Variants in TICRR observed in about 807,000 individuals in gnomAD.
TICRR encodes the protein treslin.
TICRR carries 132 observed loss-of-function variants against 178.1 expected under a neutral mutation model. The observed-to-expected ratio is 0.74, with a 90% CI of 0.64 to 0.86. The LOEUF (loss-of-function observed/expected upper bound fraction) is 0.86, where lower values mean the gene tolerates loss of function less well. Among genes scored for constraint, TICRR ranks in the 40% least tolerant of loss-of-function variants. TICRR has a pLI of 0.00. For missense variants in TICRR, 2,587 were observed against 2,334.3 expected (o/e 1.11, Z -2.23); for synonymous variants, 991 against 900.7 (o/e 1.10, Z -1.79).
rs752783142 is a variant in TICRR, at chr15:89,582,932, C to T, written c.901C>T (p.Arg301Ter). 3.1e-6 allele frequency: 5 copies of T among 1,613,402 alleles called. No homozygotes were observed. The South Asian group carries it at 3.3e-5, about 11-fold the overall frequency. Residue 301 changes from arginine (R) to a stop codon, truncating the protein, a stop_gained, in exon 2 of 22, where the codon CGA becomes TGA. Transcript: ENST00000268138. LOFTEE classifies it high-confidence loss of function. ...NSPEYEASFP[R>*]MEGMLFLPVE... ...TCCTGAGTATGAGGCCTCGTTTCCA[C>T]GAATGGAAGGAATGTTATTTCTCCC...
rs201922681 is a variant in TICRR at position 89,608,880 on chromosome 15, C to T, written c.2800C>T (p.Pro934Ser). 43 of 1,610,924 alleles carry T rather than the reference C, an allele frequency of 2.7e-5. No homozygotes were observed. The African/African-American group carries it at 5.5e-4, about 21-fold the overall frequency. ...PSKRSLKRGL[P>S]RSHSVSAVDG... ...AAAGAGATCACTAAAGCGGGGGTTG[C>T]CTAGAAGCCATTCTGTGTCAGCTGT... is the stretch of plus-strand genomic sequence containing the variant. The change falls in exon 15 of 22, where the codon CCT (proline) becomes TCT (serine). Residue 934 changes from proline (P) to serine (S), a missense_variant. Physicochemically the swap from Pro to Ser is moderately conservative, Grantham distance 74. Coordinates refer to ENST00000268138, the MANE Select transcript of TICRR (RefSeq NM_152259.4).
chr15:89,609,858 G>A (rs1963231698), intron 15 of TICRR, among the ~76,000 whole-genome samples: 1 of 151,480 alleles, frequency 6.6e-6, no homozygotes, highest in Admixed American at 6.6e-5. Flanking sequence ...ACTTTTTTAA[G>A]GTGAAGTTTA....
intron 15 of TICRR, among the ~76,000 whole-genome samples, chr15:89,613,734 C>CTTTTTTTTTTTTTTTTTTTTCTGTT: frequency 1.6e-5 from 1 of 61,570 alleles, no homozygotes; most frequent in Non-Finnish European, 3.0e-5. Context: ...TTTCTATTCG[C>CTTTTTTTTTTTTTTTTTTTTCTGTT]TTTTTTTTTT....
chr15:89,584,561 C>G (rs143986243), intron 3 of TICRR, 34 bp downstream of exon 3: 3 of 1,508,864 alleles, frequency 2.0e-6, no homozygotes, highest in Admixed American at 2.3e-5. Flanking sequence ...TTATTCTTGT[C>G]TAACAACACA....
chr15:89,597,968 G>A (rs534298311), intron 7 of TICRR, among the ~76,000 whole-genome samples: 3 of 152,222 alleles, frequency 2.0e-5, no homozygotes, highest in South Asian at 2.1e-4. Context: ...TAATACCTGG[G>A]TATTTCATAT....
At position 89,605,810 on chromosome 15, in the gene TICRR, T is replaced by G. The variant is rs146661224; in HGVS notation, c.2665-958T>G. Among the ~76,000 whole-genome samples, 8 of 152,350 alleles carry G rather than the reference T, an allele frequency of 5.3e-5. No homozygotes were observed. The East Asian group carries it at 1.5e-3, about 29-fold the overall frequency. ...TAAGTTTCTGCCCATATGTGGTGGC[T>G]TCTTCAATTATTATGATGAATTGAA... On this transcript the variant is annotated intron_variant, in intron 13 of 21. Transcript: ENST00000268138.
chr15:89,626,308 T>G (rs557399035), intron 21 of TICRR, among the ~76,000 whole-genome samples: 48 of 152,208 alleles, frequency 3.2e-4, no homozygotes, highest in Non-Finnish European at 4.6e-4. Flanking sequence ...TTGACAGTCG[T>G]GGGCTTGCCG....
intron 18 of TICRR, 130 bp from the exon 19 acceptor site, chr15:89,621,263 C>A: frequency 1.2e-6 from 1 of 802,822 alleles, no homozygotes; most frequent in Non-Finnish European, 1.9e-6. Flanking sequence ...TCAGACCATC[C>A]ACCTGTCTCG....
At chr15:89,587,220 G>T (rs1962837570) in intron 4 of TICRR, among the ~76,000 whole-genome samples, 1 of 152,182 alleles carries the variant, frequency 6.6e-6, no homozygotes, top group Non-Finnish European at 1.5e-5. Context: ...TCTGAGATAG[G>T]GAAGGCTGTG....
chr15:89,604,032 G>T (rs1963137255), intron 13 of TICRR, among the ~76,000 whole-genome samples: 1 of 151,344 alleles, frequency 6.6e-6, no homozygotes, highest in South Asian at 2.1e-4. Context: ...GGTTTTTATT[G>T]GTTGAAAAAA....
intron 9 of TICRR, among the ~76,000 whole-genome samples, chr15:89,600,949 A>G (rs1161874851): frequency 6.7e-6 from 1 of 149,794 alleles, no homozygotes; most frequent in African/African-American, 2.5e-5. Context: ...GGGATGCTGA[A>G]GCTGGAGGAT....
intron 9 of TICRR, among the ~76,000 whole-genome samples, chr15:89,600,983 C>A (rs1466058460): frequency 7.5e-6 from 1 of 133,696 alleles, no homozygotes; most frequent in Admixed American, 8.7e-5. Flanking sequence ...GAGCTCAAGA[C>A]TACTGTGAGC....
At chr15:89,613,734 C>CTTTTTTTTTTTTTTTT in intron 15 of TICRR, among the ~76,000 whole-genome samples, 1 of 61,520 alleles carries the variant, frequency 1.6e-5, no homozygotes, top group Middle Eastern at 0.014. Context: ...TTTCTATTCG[C>CTTTTTTTTTTTTTTTT]TTTTTTTTTT....
intron 5 of TICRR, among the ~76,000 whole-genome samples, chr15:89,592,537 G>T (rs1191229232): frequency 6.6e-6 from 1 of 152,120 alleles, no homozygotes; most frequent in Non-Finnish European, 1.5e-5. Context: ...AGAAGTATTT[G>T]CAGACCGTTT....
intron 13 of TICRR, among the ~76,000 whole-genome samples, 194 bp downstream of exon 13, chr15:89,603,086 ATAGT>A (rs1201608378): frequency 2.6e-5 from 4 of 152,156 alleles, no homozygotes; most frequent in Admixed American, 6.5e-5. Flanking sequence ...CAAGAGTGTG[ATAGT>A]TAGAGGTAAT....
Position 89,619,755 on chromosome 15 carries a change from A to G in TICRR, c.3067A>G (p.Arg1023Gly), listed in dbSNP as rs1256680967. The change falls in exon 18 of 22, where the codon AGG (arginine) becomes GGG (glycine). Residue 1023 changes from arginine (R) to glycine (G), a missense_variant. By Grantham distance (125) the Arg-to-Gly change is moderately radical (BLOSUM62 -2). Transcript: ENST00000268138. ...SPRIKQLSFS[R>G]THSASFYSVS... ...TCGAATCAAGCAGTTGTCATTTAGC[A>G]GGACACATTCTGCCTCCTTCTATTC... 6.2e-7 allele frequency: 1 copy of G among 1,614,048 alleles called. No homozygotes were observed. The highest frequency in any genetic ancestry group is 1.3e-5 in the African/African-American group (1 of 75,052).
intron 9 of TICRR, among the ~76,000 whole-genome samples, chr15:89,601,047 G>GGA (rs1963085566): frequency 8.3e-5 from 1 of 11,988 alleles, no homozygotes; most frequent in Admixed American, 6.9e-4. Flanking sequence ...CCCTGTCTCA[G>GGA]GAAAAAAAAA....
rs1219636871 is a variant in TICRR at position 89,582,815 on chromosome 15, A to T, written c.784A>T (p.Ser262Cys). 3 of 1,614,188 alleles carry T rather than the reference A, an allele frequency of 1.9e-6. No individual in the cohort carries two copies. Among genetic ancestry groups the T allele is most frequent in the Non-Finnish European group, 1.7e-6 (2 of 1,180,036 alleles). Residue 262 changes from serine (S) to cysteine (C), a missense_variant, in exon 2 of 22, where the codon AGT becomes TGT. Transcript: ENST00000268138. ...FAQAGEMLLRSGIKLSSEPHL... is the reference protein window; with the variant it reads ...FAQAGEMLLRCGIKLSSEPHL... ...TCAAGCTGGGGAAATGCTGCTCAGG[A>T]GTGGAATAAAGCTGTCAAGTGAACC...
At chr15:89,599,621 T>G (rs969972532) in intron 8 of TICRR, 146 bp downstream of exon 8, 6 of 757,256 alleles carry the variant, frequency 7.9e-6, no homozygotes, top group South Asian at 4.0e-5. Context: ...TAAGTACAGT[T>G]CCAGATCTCA....
Sources: allele counts gnomAD v4.1 joint callset (sites outside exome capture counted in the v4.1 genomes callset), GRCh38; gene constraint gnomAD v4.1.1; transcripts MANE v1.5; gene names NCBI Gene and HGNC (gene_info 2026-07-23, HGNC 2026-07-21).